The following GRID1 variants were observed in gnomAD, a reference collection of about 807,000 sequenced individuals.
GRID1 encodes the protein glutamate ionotropic receptor delta type subunit 1.
GRID1 carries 28 observed loss-of-function variants against 98.0 expected under a neutral mutation model. The ratio of observed to expected loss-of-function variants is 0.29; its 90% CI spans 0.21 to 0.39. The LOEUF is 0.39. Among genes scored for constraint, GRID1 ranks in the 10% least tolerant of loss-of-function variants. The pLI, the probability that GRID1 is intolerant of heterozygous loss-of-function variation, is 1.00. For synonymous variants in GRID1, 553 were observed against 538.5 expected, an observed-to-expected ratio of 1.03 and a Z score of -0.37; for missense variants, 1,111 against 1,340.5, an observed-to-expected ratio of 0.83 and a Z score of 2.67.
chr10:85,916,072 A>G lies in GRID1; in HGVS notation c.780+114T>C. ...TTTTGCCTGGGCTAGGTGGAGCCCC[A>G]GGATTCACAACAGCCCCCTAAGTCA... is the stretch of plus-strand genomic sequence containing the variant. On this transcript the variant is annotated intron_variant, in intron 5 of 15. Transcript: ENST00000327946. This position sits in a 1 kb window ranked among gnomAD's most constrained non-coding sequence, Gnocchi z 4.0. The G allele has an allele frequency of 1.2e-6, 1 of 815,196 alleles. No homozygotes were observed. Among genetic ancestry groups the G allele is most frequent in the Non-Finnish European group, 2.0e-6 (1 of 488,852 alleles). The allele number at this position is 815,196 out of a possible 1,614,324, so 50.5% of individuals were successfully genotyped here.
Position 85,726,699 on chromosome 10 carries a change from A to C in GRID1, c.1533+1156T>G, listed in dbSNP as rs111903150. ...CATCTTGTGTGACTCCATTTACACA[A>C]AATGTTCACTGAAGCAACTCTATAT... On this transcript the variant is annotated intron_variant, in intron 10 of 15. Coordinates refer to ENST00000327946, the MANE Select transcript of GRID1 (RefSeq NM_017551.3). 6.7e-3 allele frequency among the ~76,000 whole-genome samples: 1,013 copies of C among 152,310 alleles called. 9 individuals carry two copies. The highest frequency in any genetic ancestry group is 0.022 in the African/African-American group (902 of 41,564).
chr10:86,141,872 G>C (rs1845015847), intron 3 of GRID1, among the ~76,000 whole-genome samples: 2 of 152,210 alleles, frequency 1.3e-5, no homozygotes, highest in Non-Finnish European at 2.9e-5. Context: ...CTAAATATGG[G>C]AGACTGGCTG....
At chr10:86,154,790 T>C (rs1845221244) in intron 3 of GRID1, among the ~76,000 whole-genome samples, 1 of 152,128 alleles carries the variant, frequency 6.6e-6, no homozygotes, top group Non-Finnish European at 1.5e-5. Flanking sequence ...AGAGCTGCCA[T>C]CGTAAGCTGG....
At chr10:85,743,194 G>A (rs902775181) in intron 8 of GRID1, among the ~76,000 whole-genome samples, 2 of 142,072 alleles carry the variant, frequency 1.4e-5, no homozygotes, top group African/African-American at 5.1e-5. Context: ...CCACCATGCT[G>A]GAGAGACCAC....
In GRID1 at chr10:85,916,248, AG is replaced by A. The variant is rs762767543; in HGVS notation, c.727-10del. On this transcript the variant is annotated splice_polypyrimidine_tract_variant and intron_variant, in intron 4 of 15. Transcript: ENST00000327946. This position sits in a 1 kb window ranked among gnomAD's most constrained non-coding sequence, Gnocchi z 4.0. ...AGGTTGGTCTCCACGGCCTGCAGAG[AG>A]AAAAAGAACGAACATGAACAGAAGC... is the stretch of plus-strand genomic sequence containing the variant. 8.7e-6 allele frequency: 14 copies of A among 1,609,684 alleles called. No individual in the cohort carries two copies. In the African/African-American group the frequency reaches 1.6e-4, roughly 18 times the overall value.
intron 5 of GRID1, among the ~76,000 whole-genome samples, chr10:85,869,727 A>T (rs938279329): frequency 1.3e-5 from 2 of 152,202 alleles, no homozygotes; most frequent in African/African-American, 4.8e-5. Flanking sequence ...TGTACTAAGC[A>T]CTGTGGATAC....
chr10:85,831,109 A>G (rs2131761666), intron 8 of GRID1, among the ~76,000 whole-genome samples: 1 of 147,538 alleles, frequency 6.8e-6, no homozygotes, highest in East Asian at 2.0e-4. Context: ...CATATACACC[A>G]TGGAATACTA....
chr10:85,980,008 C>T (rs1589322621), intron 4 of GRID1, among the ~76,000 whole-genome samples: 1 of 152,372 alleles, frequency 6.6e-6, no homozygotes, highest in African/African-American at 2.4e-5. Context: ...GCAGTCACTG[C>T]TTAGAAGCCT....
intron 8 of GRID1, among the ~76,000 whole-genome samples, chr10:85,760,760 G>A (rs1842139804): frequency 6.6e-6 from 1 of 152,204 alleles, no homozygotes; most frequent in South Asian, 2.1e-4. Context: ...CAGAAAGTGA[G>A]AATTATGCCT....
chr10:85,622,264 A>C (rs1021103006), intron 13 of GRID1, among the ~76,000 whole-genome samples: 1 of 151,366 alleles, frequency 6.6e-6, no homozygotes, highest in Non-Finnish European at 1.5e-5. Context: ...GGATGCTGGC[A>C]ATGGCTCAGC....
At chr10:85,939,144 G>A (rs189826597) in intron 4 of GRID1, among the ~76,000 whole-genome samples, 240 of 152,226 alleles carry the variant, frequency 1.6e-3, no homozygotes, top group African/African-American at 5.2e-3. Context: ...CAGCCTACCT[G>A]GACTGCCTCC....
Position 86,043,121 on chromosome 10 carries a change from A to G in GRID1, c.726+95698T>C, listed in dbSNP as rs552356089. On this transcript the variant is annotated intron_variant, in intron 4 of 15. Coordinates refer to ENST00000327946, the MANE Select transcript of GRID1 (RefSeq NM_017551.3). ...AAAGAAAGTGTCTATTTTATTAGAC[A>G]TCAGAGAGTGGAGTTACATACCTTC... 4.6e-5 allele frequency among the ~76,000 whole-genome samples: 7 copies of G among 152,292 alleles called. No homozygotes were observed. In the South Asian group the frequency reaches 1.2e-3, roughly 27 times the overall value.
chr10:85,772,509 C>T (rs962813407), intron 8 of GRID1, among the ~76,000 whole-genome samples: 42 of 151,944 alleles, frequency 2.8e-4, no homozygotes, highest in African/African-American at 1.0e-3. Context: ...ACAAAAAACC[C>T]TTCAAAAAAT....
At position 85,890,756 on chromosome 10, in the gene GRID1, G is replaced by A. The variant is rs57939452; in HGVS notation, c.781-21576C>T. Among the ~76,000 whole-genome samples the A allele has an allele frequency of 2.3e-3, 344 of 152,216 alleles. 1 individual carries two copies. The highest frequency in any genetic ancestry group is 7.5e-3 in the African/African-American group (313 of 41,536). On this transcript the variant is annotated intron_variant, in intron 5 of 15. Transcript: ENST00000327946. ...AAGAAGGGAAGGGAAGGAGGAAAGA[G>A]CAAAGGAGCAAGGGAGAGAAGAAGG...
In GRID1 at chr10:85,723,077, C is replaced by T. The variant is rs747030971; in HGVS notation, c.1923G>A (p.Thr641=). The T allele has an allele frequency of 4.5e-5, 73 of 1,612,292 alleles. 1 individual carries two copies. In the South Asian group the frequency reaches 7.4e-4, roughly 16 times the overall value. ...RIVMGSWWLF[T]LIVCSSYTAN... is the part of the protein sequence containing the mutation. Reference sequence around the variant, plus strand: ...CTGTGTAGGAGGAGCACACAATGAGCGTGAAGAGCCACCAGCTGCCCATCA... The same window carrying T: ...CTGTGTAGGAGGAGCACACAATGAGTGTGAAGAGCCACCAGCTGCCCATCA... Residue 641 remains threonine, a synonymous_variant, in exon 12 of 16, where the codon ACG becomes ACA. Transcript: ENST00000327946.
At chr10:86,115,196 G>T (rs1844556318) in intron 4 of GRID1, among the ~76,000 whole-genome samples, 1 of 152,176 alleles carries the variant, frequency 6.6e-6, no homozygotes, top group African/African-American at 2.4e-5. Flanking sequence ...TTATGAAAAG[G>T]ATCCTCTTTG....
At chr10:86,345,098 C>G (rs988442778) in intron 2 of GRID1, among the ~76,000 whole-genome samples, 9 of 152,168 alleles carry the variant, frequency 5.9e-5, no homozygotes, top group Admixed American at 3.9e-4. Context: ...TTCACACTTC[C>G]TCTTCCCTTG....
chr10:85,839,596 C>G (rs79517708), intron 8 of GRID1, among the ~76,000 whole-genome samples: 5,023 of 152,156 alleles, frequency 0.033, 125 homozygotes, highest in Non-Finnish European at 0.047. Flanking sequence ...CACAATGTAC[C>G]AGAATCTCTC....
At chr10:85,802,077 T>C (rs1031064432) in intron 8 of GRID1, among the ~76,000 whole-genome samples, 3 of 152,026 alleles carry the variant, frequency 2.0e-5, no homozygotes, top group East Asian at 1.9e-4. Context: ...GTTATAAAAA[T>C]TACTGAAAGT....
Sources: allele counts gnomAD v4.1 joint callset (sites outside exome capture counted in the v4.1 genomes callset), GRCh38; gene constraint gnomAD v4.1.1; non-coding constraint Gnocchi (gnomAD v3.1); transcripts MANE v1.5; gene names NCBI Gene and HGNC (gene_info 2026-07-23, HGNC 2026-07-21).